Variants in RORA observed in about 807,000 individuals in gnomAD.
RORA encodes nuclear receptor ROR-alpha.
Under a neutral mutation model 69.5 loss-of-function variants are expected in RORA, and 7 were observed. That is an observed-to-expected ratio of 0.10 (90% CI 0.06 to 0.19). The LOEUF is 0.19. RORA is among the 10% of genes least tolerant of loss of function. The pLI is 1.00. For synonymous variants in RORA, 261 were observed against 240.8 expected (o/e 1.08, Z -0.78); for missense variants, 457 against 663.0 (o/e 0.69, Z 3.41).
intron 1 of RORA, among the ~76,000 whole-genome samples, chr15:61,088,451 C>T (rs989944923): frequency 7.0e-4 from 106 of 152,126 alleles, no homozygotes; most frequent in African/African-American, 2.4e-3. Flanking sequence ...TAGTTTGGTA[C>T]TAAAGAAGCA....
At chr15:61,048,720 C>T (rs56219809) in intron 1 of RORA, among the ~76,000 whole-genome samples, 3,866 of 152,270 alleles carry the variant, frequency 0.025, 77 homozygotes, top group Non-Finnish European at 0.041. Flanking sequence ...CTGAACAATT[C>T]TCATCTGTGT....
chr15:60,543,521 C>A (rs2066970144), intron 2 of RORA, among the ~76,000 whole-genome samples: 2 of 152,144 alleles, frequency 1.3e-5, no homozygotes, highest in Non-Finnish European at 2.9e-5. Context: ...CTCTGTCACC[C>A]AGGCTGGAGT....
At chr15:61,146,950 C>T (rs1232947270) in intron 1 of RORA, among the ~76,000 whole-genome samples, 2 of 151,514 alleles carry the variant, frequency 1.3e-5, no homozygotes, top group Admixed American at 6.6e-5. Flanking sequence ...CAATAAAACA[C>T]GGGACAGAAA....
intron 1 of RORA, among the ~76,000 whole-genome samples, chr15:60,721,917 A>G (rs2071298405): frequency 6.6e-6 from 1 of 152,150 alleles, no homozygotes; most frequent in African/African-American, 2.4e-5. Context: ...TTACTCAAGG[A>G]CTCGCCCTAG....
At chr15:60,946,382 C>T (rs1206286423) in intron 1 of RORA, among the ~76,000 whole-genome samples, 1 of 152,222 alleles carries the variant, frequency 6.6e-6, no homozygotes. Flanking sequence ...ATTCTTCTGC[C>T]TCAGCCTGCC....
chr15:60,562,676 G>A (rs2067604065), intron 2 of RORA, among the ~76,000 whole-genome samples: 2 of 149,956 alleles, frequency 1.3e-5, no homozygotes, highest in South Asian at 4.2e-4. Context: ...TCGATCTCCT[G>A]ACCTCGTGAT....
intron 1 of RORA, among the ~76,000 whole-genome samples, chr15:60,686,472 G>A (rs1324842845): frequency 6.6e-6 from 1 of 152,198 alleles, no homozygotes; most frequent in Non-Finnish European, 1.5e-5. Context: ...TTGAGTGTCT[G>A]TATGGAAGAT....
chr15:61,045,181 G>C (rs1165208520), intron 1 of RORA, among the ~76,000 whole-genome samples: 1 of 152,104 alleles, frequency 6.6e-6, no homozygotes, highest in Non-Finnish European at 1.5e-5. Context: ...GAATCATGGG[G>C]GTGGGTCTTT....
intron 2 of RORA, among the ~76,000 whole-genome samples, chr15:60,673,814 T>C (rs1417257543): frequency 6.6e-6 from 1 of 152,200 alleles, no homozygotes. Flanking sequence ...AAAAAGCCTA[T>C]CAGCGCAGAG....
At chr15:61,136,737 A>G (rs2079243638) in intron 1 of RORA, among the ~76,000 whole-genome samples, 1 of 152,226 alleles carries the variant, frequency 6.6e-6, no homozygotes, top group Non-Finnish European at 1.5e-5. Context: ...GATGCTAATC[A>G]TAATGATGGC....
rs1034556189 is a variant in RORA, at chr15:60,854,359, T to A, written c.167-175673A>T. On this transcript the variant is annotated intron_variant, in intron 1 of 10. Coordinates refer to ENST00000335670, the MANE Select transcript of RORA (RefSeq NM_134261.3). ...AAAATAACTTGAATCATTATTATTATTAGCTAGTAATATCATCCATTATCC... is the reference window on the plus strand; with the variant it reads ...AAAATAACTTGAATCATTATTATTAATAGCTAGTAATATCATCCATTATCC... 2.6e-5 allele frequency among the ~76,000 whole-genome samples: 4 copies of A among 152,206 alleles called. No homozygotes were observed. The South Asian group carries it at 8.3e-4, about 32-fold the overall frequency.
chr15:60,669,808 A>G (rs539930041), intron 2 of RORA, among the ~76,000 whole-genome samples: 7 of 152,334 alleles, frequency 4.6e-5, no homozygotes, highest in African/African-American at 1.7e-4. Context: ...GCAAAATTTC[A>G]TAGCCCTGCA....
At position 60,615,464 on chromosome 15, in the gene RORA, G is replaced by A. The variant is rs186545192; in HGVS notation, c.196+63193C>T. On this transcript the variant is annotated intron_variant, in intron 2 of 10. Coordinates refer to ENST00000335670, the MANE Select transcript of RORA (RefSeq NM_134261.3). The stretch of plus-strand genomic sequence containing the variant: ...AGTCTCACGAGATGGGGCCTCCAAG[G>A]ACTTATCAGGAGCTTGCTAAGCAGG... 1.4e-3 allele frequency among the ~76,000 whole-genome samples: 206 copies of A among 152,274 alleles called. 2 individuals carry two copies. The highest frequency in any genetic ancestry group is 4.6e-3 in the African/African-American group (193 of 41,560).
intron 8 of RORA, 133 bp from the exon 9 acceptor site, chr15:60,501,202 G>C: frequency 4.8e-6 from 3 of 619,426 alleles, no homozygotes; most frequent in Non-Finnish European, 8.7e-6. Context: ...GGAAGGTGAA[G>C]AGAGATCTAG....
At chr15:60,673,235 G>T (rs2070501101) in intron 2 of RORA, among the ~76,000 whole-genome samples, 1 of 152,206 alleles carries the variant, frequency 6.6e-6, no homozygotes, top group Non-Finnish European at 1.5e-5. Context: ...TTTTTCTATG[G>T]AGTTCACAGG....
chr15:60,588,571 G>C (rs567565292), intron 2 of RORA, among the ~76,000 whole-genome samples: 256 of 152,202 alleles, frequency 1.7e-3, no homozygotes, highest in South Asian at 7.7e-3. Context: ...TGCTATTGTA[G>C]GTGCTTTGCA....
intron 1 of RORA, among the ~76,000 whole-genome samples, chr15:60,714,841 T>G (rs1033225018): frequency 3.3e-5 from 5 of 152,150 alleles, no homozygotes; most frequent in African/African-American, 1.2e-4. Context: ...TTTTATAGAC[T>G]GAATAATGTA....
intron 1 of RORA, among the ~76,000 whole-genome samples, chr15:60,772,927 T>G (rs1192262972): frequency 2.0e-5 from 3 of 152,260 alleles, no homozygotes; most frequent in Non-Finnish European, 4.4e-5. Context: ...TGCCCAGACT[T>G]TATCTTAATT....
At position 60,870,713 on chromosome 15, in the gene RORA, C is replaced by T. The variant is rs73430059; in HGVS notation, c.167-192027G>A. ...GGACAATGGCCTGCATCTTCCCCTC[C>T]CCACTAGGCATTCTGGTTGTCAGTG... On this transcript the variant is annotated intron_variant, in intron 1 of 10. Transcript: ENST00000335670. Among the ~76,000 whole-genome samples the T allele has an allele frequency of 2.3e-3, 348 of 152,326 alleles. 3 individuals carry two copies. Among genetic ancestry groups the T allele is most frequent in the African/African-American group, 8.1e-3 (336 of 41,560 alleles).
Sources: allele counts gnomAD v4.1 joint callset (sites outside exome capture counted in the v4.1 genomes callset), GRCh38; gene constraint gnomAD v4.1.1; transcripts MANE v1.5; gene names NCBI Gene and HGNC (gene_info 2026-07-23, HGNC 2026-07-21).